Variants in NCOA6 observed in about 807,000 individuals in gnomAD.
NCOA6 encodes the protein NRC RAP250.
NCOA6 carries 49 observed loss-of-function variants against 171.4 expected under a neutral mutation model. That is an observed-to-expected ratio of 0.29 (90% CI 0.23 to 0.36). The LOEUF (loss-of-function observed/expected upper bound fraction) is 0.36, where lower values mean the gene tolerates loss of function less well. NCOA6 is among the 10% of genes least tolerant of loss of function. NCOA6 has a pLI of 1.00. For missense variants in NCOA6, 2,248 were observed against 2,554.5 expected (o/e 0.88, Z 2.59); for synonymous variants, 910 against 927.5 (o/e 0.98, Z 0.34).
intron 14 of NCOA6, among the ~76,000 whole-genome samples, chr20:34,725,447 C>T (rs963645887): frequency 6.6e-6 from 1 of 152,014 alleles, no homozygotes; most frequent in Non-Finnish European, 1.5e-5. Context: ...CCTGCAGTAG[C>T]TGCAACATAT....
intron 1 of NCOA6, among the ~76,000 whole-genome samples, chr20:34,797,081 T>C (rs185367116): frequency 1.3e-5 from 2 of 152,218 alleles, no homozygotes; most frequent in East Asian, 3.9e-4. Context: ...TGAAGGGGGC[T>C]CCTCTGGCTA....
At chr20:34,766,049 T>C (rs2076973161) in intron 5 of NCOA6, among the ~76,000 whole-genome samples, 1 of 152,230 alleles carries the variant, frequency 6.6e-6, no homozygotes, top group Admixed American at 6.5e-5. Flanking sequence ...TAGAAAAATT[T>C]AGCTGTTCAG....
At chr20:34,774,714 T>C (rs1056528074) in intron 4 of NCOA6, among the ~76,000 whole-genome samples, 1 of 152,176 alleles carries the variant, frequency 6.6e-6, no homozygotes, top group Non-Finnish European at 1.5e-5. Context: ...GGGTTCTAGT[T>C]CACTGAGCTT....
At chr20:34,787,134 A>C (rs1220523848) in intron 2 of NCOA6, among the ~76,000 whole-genome samples, 13 of 148,278 alleles carry the variant, frequency 8.8e-5, no homozygotes, top group Middle Eastern at 3.4e-3. Context: ...AAAAAAAAAA[A>C]CAACCCCATT....
At chr20:34,728,628 C>T (rs1990250863) in intron 13 of NCOA6, among the ~76,000 whole-genome samples, 1 of 152,200 alleles carries the variant, frequency 6.6e-6, no homozygotes, top group Non-Finnish European at 1.5e-5. Flanking sequence ...AGCAATCCCA[C>T]TTCTAGGTGC....
chr20:34,809,718 G>A (rs1036147166), intron 1 of NCOA6, among the ~76,000 whole-genome samples: 5 of 152,214 alleles, frequency 3.3e-5, no homozygotes, highest in Admixed American at 2.6e-4. Context: ...TGTAATCCCA[G>A]CACTTTGAGA....
In NCOA6 at chr20:34,825,380, G is replaced by A. The variant is rs2079122910; in HGVS notation, c.-164+92C>T. The A allele has an allele frequency of 2.0e-5, 3 of 149,920 alleles. No individual in the cohort carries two copies. The South Asian group carries it at 6.2e-4, about 31-fold the overall frequency. The allele number at this position is 149,920 out of a possible 1,614,324, so 9.3% of individuals were successfully genotyped here. ...GGCGCCATTTTTCCGCGCGGGCCCG[G>A]GCGGCGCCTCCTCCCCGCGAAGCCA... is the stretch of plus-strand genomic sequence containing the variant. On this transcript the variant is annotated intron_variant, in intron 1 of 14. Transcript: ENST00000359003.
chr20:34,810,289 T>C (rs1400623776), intron 1 of NCOA6, among the ~76,000 whole-genome samples: 1 of 152,248 alleles, frequency 6.6e-6, no homozygotes, highest in East Asian at 1.9e-4. Context: ...TAGCTACAAA[T>C]GAAGTCCTTC....
At position 34,742,575 on chromosome 20, in the gene NCOA6, G is replaced by T; in HGVS notation, c.3681C>A (p.Asn1227Lys). The change falls in exon 11 of 15, where the codon AAC becomes AAA. Residue 1227 changes from asparagine to lysine, a missense_variant. Asn to Lys is a moderately conservative substitution (Grantham distance 94). Around this residue, in one of 7 missense-constraint regions of NCOA6, gnomAD observed 352 missense variants for 419.1 expected, o/e 0.84. Transcript: ENST00000359003. ...CTGAAGGTTCTGTGCTGGGAGGGCG[G>T]TTGTTGGGTGTCTGAGGATAATAGG... ...PRPYYPQTPN[N>K]RPPSTEPSEI... 2.5e-6 allele frequency: 4 copies of T among 1,614,196 alleles called. No individual in the cohort carries two copies. The highest frequency in any genetic ancestry group is 3.4e-6 in the Non-Finnish European group (4 of 1,180,034).
At chr20:34,825,213 A>C (rs987134579) in intron 1 of NCOA6, among the ~76,000 whole-genome samples, 2 of 144,954 alleles carry the variant, frequency 1.4e-5, no homozygotes, top group Non-Finnish European at 3.0e-5. Flanking sequence ...CACCCTCCCC[A>C]CCCAGCCCGG....
intron 1 of NCOA6, among the ~76,000 whole-genome samples, chr20:34,808,014 G>C (rs2078519123): frequency 6.6e-6 from 1 of 151,734 alleles, no homozygotes; most frequent in South Asian, 2.1e-4. Flanking sequence ...GCTGGGTGTG[G>C]TGGCAGGCGC....
intron 2 of NCOA6, among the ~76,000 whole-genome samples, chr20:34,786,292 A>C (rs188105747): frequency 6.6e-6 from 1 of 152,256 alleles, no homozygotes; most frequent in East Asian, 1.9e-4. Context: ...TTTTTCAAAA[A>C]ACCAGCTTCT....
intron 10 of NCOA6, among the ~76,000 whole-genome samples, chr20:34,743,718 C>T (rs1272926182): frequency 6.6e-6 from 1 of 152,196 alleles, no homozygotes; most frequent in Non-Finnish European, 1.5e-5. Context: ...ACCCAAGATT[C>T]AGGTCTCATG....
chr20:34,728,380 G>C (rs1990221679), intron 13 of NCOA6, among the ~76,000 whole-genome samples: 1 of 152,162 alleles, frequency 6.6e-6, no homozygotes, highest in East Asian at 1.9e-4. Context: ...CTCCTAACTG[G>C]AGTGTAAATT....
chr20:34,786,947 A>C (rs1049677433), intron 2 of NCOA6, among the ~76,000 whole-genome samples: 3 of 152,160 alleles, frequency 2.0e-5, no homozygotes, highest in Non-Finnish European at 4.4e-5. Context: ...GCCAAAAGCA[A>C]CTGCAACAAA....
In NCOA6 at chr20:34,782,285, G is replaced by A. The variant is rs947932096; in HGVS notation, c.71C>T (p.Ser24Leu). 1.2e-6 allele frequency: 2 copies of A among 1,612,742 alleles called. No homozygotes were observed. Among genetic ancestry groups the A allele is most frequent in the African/African-American group, 2.7e-5 (2 of 74,860 alleles). ...TSLCSSTMED[S>L]EMDFDSGLED... ...TAGTCCAGAGTCAAAATCCATCTCT[G>A]AGTCTTCCATTGTTGATGAACACAA... is the stretch of plus-strand genomic sequence containing the variant. The change falls in exon 3 of 15, where the codon TCA becomes TTA. Residue 24 changes from serine (S) to leucine (L), a missense_variant. This residue lies in a region of NCOA6 where 987 missense variants were observed against 1,104.7 expected (regional missense o/e 0.89). Coordinates refer to ENST00000359003, the MANE Select transcript of NCOA6 (RefSeq NM_014071.5).
In NCOA6 at chr20:34,748,318, T is replaced by C. The variant is rs563930658; in HGVS notation, c.2792+1085A>G. ...GGAAAATATAGGTTATCATTAATAA[T>C]ACACCATGATTAGCTTTTAAAGCAT... On this transcript the variant is annotated intron_variant, in intron 9 of 14. Transcript: ENST00000359003. 2.0e-5 allele frequency among the ~76,000 whole-genome samples: 3 copies of C among 152,314 alleles called. No individual in the cohort carries two copies. The East Asian group carries it at 5.8e-4, about 29-fold the overall frequency.
rs774711726 is a variant in NCOA6 at position 34,736,761 on chromosome 20, A to G, written c.5894-3T>C. On this transcript the variant is annotated splice_region_variant and splice_polypyrimidine_tract_variant and intron_variant, in intron 11 of 14. Transcript: ENST00000359003. ...TGAGACTAAATTCTGCGACGGGGCT[A>G]AGGCAAGGAAAAAAAAATTACAGAC... 20 of 1,605,874 alleles carry G rather than the reference A, an allele frequency of 1.2e-5. No homozygotes were observed. Among genetic ancestry groups the G allele is most frequent in the Admixed American group, 5.1e-5 (3 of 58,690 alleles).
At chr20:34,794,469 G>C (rs2077997415) in intron 1 of NCOA6, among the ~76,000 whole-genome samples, 1 of 151,886 alleles carries the variant, frequency 6.6e-6, no homozygotes, top group African/African-American at 2.4e-5. Flanking sequence ...CAATGGGACT[G>C]ATTTAAATTA....
Sources: allele counts gnomAD v4.1 joint callset (sites outside exome capture counted in the v4.1 genomes callset), GRCh38; gene constraint gnomAD v4.1.1; regional missense constraint gnomAD v4.1.1; transcripts MANE v1.5; gene names NCBI Gene and HGNC (gene_info 2026-07-23, HGNC 2026-07-21).